Variants in TNFRSF11A observed in about 807,000 individuals in gnomAD.
The protein encoded by TNFRSF11A is tumor necrosis factor receptor superfamily member 11A.
TNFRSF11A carries 32 observed loss-of-function variants against 55.7 expected under a neutral mutation model. The ratio of observed to expected loss-of-function variants is 0.57; its 90% confidence interval spans 0.43 to 0.77. The LOEUF (loss-of-function observed/expected upper bound fraction) is 0.77. TNFRSF11A is among the 30% of genes least tolerant of loss of function. The probability of loss-of-function intolerance (pLI) is 0.00; values close to 1 mark genes in which losing one functional copy is unlikely to be tolerated. For synonymous variants in TNFRSF11A, 311 were observed against 331.0 expected, an observed-to-expected ratio of 0.94 and a Z score of 0.65; for missense variants, 753 against 809.8, an observed-to-expected ratio of 0.93 and a Z score of 0.85.
intron 1 of TNFRSF11A, among the ~76,000 whole-genome samples, chr18:62,329,706 G>T (rs778745755): frequency 6.6e-6 from 1 of 152,208 alleles, no homozygotes; most frequent in Admixed American, 6.5e-5. Context: ...GCAAGATTAC[G>T]CACAGCCCCA....
At chr18:62,335,128 A>G (rs1318199437) in intron 1 of TNFRSF11A, among the ~76,000 whole-genome samples, 2 of 43,838 alleles carry the variant, frequency 4.6e-5, no homozygotes, top group African/African-American at 9.6e-5. Context: ...CTGGGGTCGG[A>G]ATTTTTTTTT....
chr18:62,363,389 G>A (rs1452646092), intron 7 of TNFRSF11A, among the ~76,000 whole-genome samples: 4 of 100,964 alleles, frequency 4.0e-5, no homozygotes, highest in Non-Finnish European at 8.1e-5. Context: ...TTTTTTTTGA[G>A]ACAGAGTCTC....
In TNFRSF11A at chr18:62,366,479, T is replaced by C. The variant is rs149984616; in HGVS notation, c.731-229T>C. Among the ~76,000 whole-genome samples, 12 of 152,296 alleles carry C rather than the reference T, an allele frequency of 7.9e-5. No individual in the cohort carries two copies. In the East Asian group the frequency reaches 1.5e-3, roughly 20 times the overall value. Reference sequence around the variant, plus strand: ...TAATCATGTTGTATCATATTCAAGATTTTTGCTAAATTTGTAGATTTTAGC... The same window carrying C: ...TAATCATGTTGTATCATATTCAAGACTTTTGCTAAATTTGTAGATTTTAGC... On this transcript the variant is annotated intron_variant, in intron 7 of 9. Coordinates refer to ENST00000586569, the MANE Select transcript of TNFRSF11A (RefSeq NM_003839.4).
intron 8 of TNFRSF11A, 89 bp downstream of exon 8, chr18:62,366,849 C>T (rs945438416): frequency 7.5e-7 from 1 of 1,327,070 alleles, no homozygotes; most frequent in Non-Finnish European, 1.1e-6. Flanking sequence ...AGCACCCCCC[C>T]CCACCCCCAC....
intron 1 of TNFRSF11A, among the ~76,000 whole-genome samples, chr18:62,341,975 T>A (rs919834972): frequency 2.0e-5 from 3 of 151,286 alleles, no homozygotes; most frequent in African/African-American, 7.3e-5. Context: ...AAATCCTCCT[T>A]CCCTGAAGCC....
At position 62,325,700 on chromosome 18, in the gene TNFRSF11A, C is replaced by T. The variant is rs1234111297; in HGVS notation, c.75+273C>T. On this transcript the variant is annotated intron_variant, in intron 1 of 9. Transcript: ENST00000586569. This position sits in a 1 kb window ranked among gnomAD's most constrained non-coding sequence, Gnocchi z 4.7. The stretch of plus-strand genomic sequence containing the variant: ...CTCTTCCAAAAGCCCCTCTTAGCCG[C>T]AGGCTTTGATGCTGTCATTTTCTCC... 6.6e-6 allele frequency among the ~76,000 whole-genome samples: 1 copy of T among 152,228 alleles called. No homozygotes were observed. The highest frequency in any genetic ancestry group is 2.4e-5 in the African/African-American group (1 of 41,468).
intron 9 of TNFRSF11A, among the ~76,000 whole-genome samples, chr18:62,371,822 C>T (rs986248409): frequency 6.6e-6 from 1 of 152,152 alleles, no homozygotes; most frequent in Admixed American, 6.6e-5. Flanking sequence ...CTATAAAATG[C>T]GTGAAAGAGG....
intron 9 of TNFRSF11A, among the ~76,000 whole-genome samples, chr18:62,381,863 T>A (rs532108150): frequency 1.3e-5 from 2 of 152,326 alleles, no homozygotes; most frequent in South Asian, 4.1e-4. Flanking sequence ...TGACTTTTTC[T>A]ATTAACCAAG....
intron 8 of TNFRSF11A, among the ~76,000 whole-genome samples, chr18:62,368,257 A>C (rs1910246780): frequency 6.6e-6 from 1 of 152,132 alleles, no homozygotes; most frequent in South Asian, 2.1e-4. Flanking sequence ...TATTATTCTC[A>C]GTATATTTCC....
intron 2 of TNFRSF11A, among the ~76,000 whole-genome samples, chr18:62,349,023 C>T (rs760715052): frequency 2.0e-5 from 3 of 152,064 alleles, no homozygotes; most frequent in South Asian, 2.1e-4. Context: ...AAGAAGTTAA[C>T]AAGAAGTTGC....
intron 8 of TNFRSF11A, 54 bp from the exon 9 acceptor site, chr18:62,368,647 T>C (rs1910273389): frequency 1.9e-6 from 3 of 1,585,124 alleles, no homozygotes; most frequent in Non-Finnish European, 2.6e-6. Context: ...TAGCTAAACT[T>C]GTCCTAATAA....
chr18:62,327,672 T>G (rs557388910), intron 1 of TNFRSF11A, among the ~76,000 whole-genome samples: 1 of 152,226 alleles, frequency 6.6e-6, no homozygotes, highest in Non-Finnish European at 1.5e-5. Flanking sequence ...CTTCAGGAAC[T>G]GCCTAGTGGG....
Position 62,391,205 on chromosome 18 carries a change from A to G in TNFRSF11A, c.*6171A>G, listed in dbSNP as rs73450181. The G allele has an allele frequency of 0.16, 24,840 of 152,176 alleles. 2,273 individuals are homozygous for G. Among genetic ancestry groups the G allele is most frequent in the African/African-American group, 0.23 (9,711 of 41,484 alleles). The allele number at this position is 152,176 out of a possible 1,614,324, so 9.4% of individuals were successfully genotyped here. ...CCATTTTTTTTCTGAGTAGTAGTCC[A>G]TTGTATGGATGTACTGCGGTTTATT... is the stretch of plus-strand genomic sequence containing the variant. On this transcript the variant is annotated 3_prime_UTR_variant, in exon 10 of 10. Coordinates refer to ENST00000586569, the MANE Select transcript of TNFRSF11A (RefSeq NM_003839.4).
intron 9 of TNFRSF11A, chr18:62,374,016 C>T (rs916821123): frequency 2.0e-5 from 3 of 152,296 alleles, no homozygotes; most frequent in South Asian, 2.1e-4. Flanking sequence ...GTTAGAATGC[C>T]GTTCACCACC....
chr18:62,329,620 G>A (rs73467616), intron 1 of TNFRSF11A, among the ~76,000 whole-genome samples: 3,736 of 152,278 alleles, frequency 0.025, 218 homozygotes, highest in East Asian at 0.21. Context: ...AAGGAGCCGT[G>A]GGTTTCAGCA....
At chr18:62,357,919 G>A (rs934820289) in intron 4 of TNFRSF11A, 1 of 308,746 alleles carries the variant, frequency 3.2e-6, no homozygotes, top group African/African-American at 2.1e-5. Flanking sequence ...CGGTGACCAG[G>A]GGAGTGGCTC....
intron 9 of TNFRSF11A, among the ~76,000 whole-genome samples, chr18:62,382,388 G>C (rs1600428525): frequency 6.6e-6 from 1 of 152,138 alleles, no homozygotes; most frequent in Non-Finnish European, 1.5e-5. Context: ...TGGGATTACA[G>C]GCGTGAGCCA....
chr18:62,346,059 CAGCT>C (rs2046378997), intron 1 of TNFRSF11A, among the ~76,000 whole-genome samples: 1 of 152,194 alleles, frequency 6.6e-6, no homozygotes, highest in Non-Finnish European at 1.5e-5. Flanking sequence ...TGCCCCTAAG[CAGCT>C]ACTTCAGGGA....
chr18:62,376,593 C>T (rs756248288), intron 9 of TNFRSF11A, among the ~76,000 whole-genome samples: 16 of 152,122 alleles, frequency 1.1e-4, no homozygotes, highest in Non-Finnish European at 8.8e-5. Context: ...CTGCACTTGA[C>T]GAGCGCATAT....
Sources: allele counts gnomAD v4.1 joint callset (sites outside exome capture counted in the v4.1 genomes callset), GRCh38; gene constraint gnomAD v4.1.1; non-coding constraint Gnocchi (gnomAD v3.1); transcripts MANE v1.5; gene names NCBI Gene and HGNC (gene_info 2026-07-23, HGNC 2026-07-21).